The following FLI1 variants were observed in gnomAD, a reference collection of about 807,000 sequenced individuals.
The protein encoded by FLI1 is Friend leukemia integration 1 transcription factor.
FLI1 carries 13 observed loss-of-function variants against 53.1 expected under a neutral mutation model. The observed-to-expected ratio is 0.24, with a 90% CI of 0.16 to 0.39. The LOEUF (loss-of-function observed/expected upper bound fraction) is 0.39, where lower values mean the gene tolerates loss of function less well. Among genes scored for constraint, FLI1 ranks in the 10% least tolerant of loss-of-function variants. The pLI, the probability that FLI1 is intolerant of heterozygous loss-of-function variation, is 1.00. For missense variants in FLI1, 424 were observed against 600.5 expected (o/e 0.71, Z 3.07); for synonymous variants, 244 against 236.7 (o/e 1.03, Z -0.28).
intron 1 of FLI1, among the ~76,000 whole-genome samples, chr11:128,704,405 T>C (rs1357090274): frequency 2.6e-5 from 4 of 152,170 alleles, no homozygotes; most frequent in Admixed American, 1.3e-4. Context: ...TTTCCGTTAA[T>C]GCAAACTAAG....
Position 128,694,075 on chromosome 11 carries a change from T to C in FLI1, c.-184T>C. On this transcript the variant is annotated 5_prime_UTR_variant, in exon 1 of 9. Coordinates refer to ENST00000527786, the MANE Select transcript of FLI1 (RefSeq NM_002017.5). ...AAAGTTTCATCCGGTTAACTGTCTC[T>C]TTCGCTCCGCTACAACAACAAACGT... The C allele has an allele frequency of 2.1e-6, 1 of 484,320 alleles. No homozygotes were observed. Among genetic ancestry groups the C allele is most frequent in the East Asian group, 3.5e-5 (1 of 28,302 alleles). The allele number at this position is 484,320 out of a possible 1,614,324, so 30.0% of individuals were successfully genotyped here. A position where few individuals can be genotyped will look rare whatever the true frequency, so the allele number is the denominator to read the frequency against.
chr11:128,752,986 A>C (rs948364734), intron 1 of FLI1, among the ~76,000 whole-genome samples: 1 of 152,160 alleles, frequency 6.6e-6, no homozygotes, highest in Non-Finnish European at 1.5e-5. Flanking sequence ...GGCAAATGTG[A>C]GTGATCTGCT....
chr11:128,741,230 C>T lies in FLI1; in HGVS notation c.19-16885C>T, dbSNP rs963660601. 5.3e-5 allele frequency among the ~76,000 whole-genome samples: 8 copies of T among 152,120 alleles called. No individual in the cohort carries two copies. In the East Asian group the frequency reaches 1.2e-3, roughly 22 times the overall value. On this transcript the variant is annotated intron_variant, in intron 1 of 8. Transcript: ENST00000527786. ...CAAACATAACGAAACCCTGTCTCTA[C>T]TAAAATACAAAAATTAGCCAGGTGT...
At chr11:128,753,040 T>A (rs1287345450) in intron 1 of FLI1, among the ~76,000 whole-genome samples, 2 of 152,308 alleles carry the variant, frequency 1.3e-5, no homozygotes, top group Non-Finnish European at 2.9e-5. Flanking sequence ...GCCAGAGGTC[T>A]CTGGTAAAGG....
chr11:128,796,240 A>T (rs2135896440), intron 5 of FLI1, among the ~76,000 whole-genome samples: 1 of 152,304 alleles, frequency 6.6e-6, no homozygotes, highest in Non-Finnish European at 1.5e-5. Context: ...AATTTTAGGT[A>T]TCACTCTTCC....
upstream of FLI1, among the ~76,000 whole-genome samples, chr11:128,685,212 T>C (rs958112489): frequency 6.6e-6 from 1 of 152,202 alleles, no homozygotes; most frequent in Non-Finnish European, 1.5e-5. Context: ...GGGCAGGCCC[T>C]AGAGAGAGGC....
At chr11:128,786,546 G>C (rs1942088314) in intron 5 of FLI1, among the ~76,000 whole-genome samples, 1 of 152,150 alleles carries the variant, frequency 6.6e-6, no homozygotes, top group South Asian at 2.1e-4. Flanking sequence ...AAGTTAAGTG[G>C]CCTTTTCAAG....
chr11:128,794,371 G>A (rs1203309933), intron 5 of FLI1, among the ~76,000 whole-genome samples: 1 of 152,170 alleles, frequency 6.6e-6, no homozygotes, highest in African/African-American at 2.4e-5. Flanking sequence ...TCCACCACAT[G>A]GAGGTTATTT....
chr11:128,748,334 A>G, intron 1 of FLI1: 2 of 856,806 alleles, frequency 2.3e-6, no homozygotes, highest in Non-Finnish European at 2.8e-6. Context: ...AATGATGTTC[A>G]ACAAGACTCC....
intron 1 of FLI1, among the ~76,000 whole-genome samples, chr11:128,702,223 C>A (rs906151594): frequency 5.9e-5 from 9 of 152,226 alleles, no homozygotes; most frequent in African/African-American, 1.9e-4. Flanking sequence ...TACCAGGCAC[C>A]AATCTCAATA....
At chr11:128,713,292 A>G (rs74944761) in intron 1 of FLI1, among the ~76,000 whole-genome samples, 2 of 152,254 alleles carry the variant, frequency 1.3e-5, no homozygotes, top group Non-Finnish European at 2.9e-5. Flanking sequence ...TGTAGAATTT[A>G]TCAATAGTTT....
chr11:128,726,540 C>A (rs1238922257), intron 1 of FLI1, among the ~76,000 whole-genome samples: 1 of 149,588 alleles, frequency 6.7e-6, no homozygotes, highest in Admixed American at 6.7e-5. Flanking sequence ...CCTCCCACCC[C>A]CCTACCCCCA....
chr11:128,743,896 A>T (rs961782682), intron 1 of FLI1, among the ~76,000 whole-genome samples: 1 of 152,154 alleles, frequency 6.6e-6, no homozygotes, highest in Non-Finnish European at 1.5e-5. Flanking sequence ...ATGCCGGGAG[A>T]CAGGAGACCC....
At chr11:128,687,691 T>C (rs1414532377) in intron 1 of FLI1, among the ~76,000 whole-genome samples, 1 of 152,084 alleles carries the variant, frequency 6.6e-6, no homozygotes, top group Non-Finnish European at 1.5e-5. Context: ...GGATGCAGAC[T>C]CTCGGGTCCT....
intron 1 of FLI1, among the ~76,000 whole-genome samples, chr11:128,734,413 G>C (rs1939832879): frequency 6.6e-6 from 1 of 152,194 alleles, no homozygotes; most frequent in South Asian, 2.1e-4. Flanking sequence ...GTCTAAGGTT[G>C]GGTTTTGTGT....
chr11:128,698,351 A>T (rs541581164), intron 1 of FLI1, among the ~76,000 whole-genome samples: 2 of 152,356 alleles, frequency 1.3e-5, no homozygotes, highest in African/African-American at 4.8e-5. Context: ...GTGACCACAC[A>T]GAATTGCTCC....
intron 1 of FLI1, among the ~76,000 whole-genome samples, chr11:128,715,963 C>T (rs574439018): frequency 6.6e-6 from 1 of 152,350 alleles, no homozygotes; most frequent in African/African-American, 2.4e-5. Flanking sequence ...ACAGATTTCC[C>T]TGCAGGAGAG....
chr11:128,744,323 A>T (rs1940279046), intron 1 of FLI1, among the ~76,000 whole-genome samples: 1 of 152,242 alleles, frequency 6.6e-6, no homozygotes, highest in South Asian at 2.1e-4. Context: ...AAGACCTGGA[A>T]GGGATCTTAC....
At chr11:128,801,803 G>T (rs1942645601) in intron 5 of FLI1, among the ~76,000 whole-genome samples, 1 of 152,202 alleles carries the variant, frequency 6.6e-6, no homozygotes, top group Admixed American at 6.5e-5. Flanking sequence ...TCTGTGTGGG[G>T]CCCTGTTCTA....
Sources: gnomAD v4.1 joint callset for allele counts (sites outside exome capture counted in the v4.1 genomes callset) on GRCh38, gnomAD v4.1.1 for gene constraint, MANE v1.5 for transcripts, NCBI Gene and HGNC (gene_info 2026-07-23, HGNC 2026-07-21) for gene names.